NOL4L: variants seen among roughly 807,000 people sequenced by gnomAD.
NOL4L encodes nucleolar protein 4-like.
Under a neutral mutation model 64.5 loss-of-function variants are expected in NOL4L, and 7 were observed. The ratio of observed to expected loss-of-function variants is 0.11; its 90% CI spans 0.06 to 0.20. NOL4L has a LOEUF of 0.20. Ranked by LOEUF, NOL4L falls within the 10% of genes least tolerant of loss-of-function variation. NOL4L has a pLI of 1.00. For synonymous variants in NOL4L, 413 were observed against 401.0 expected, an observed-to-expected ratio of 1.03 and a Z score of -0.36; for missense variants, 680 against 967.1, an observed-to-expected ratio of 0.70 and a Z score of 3.94.
At chr20:32,537,097 G>C (rs1469529186) in intron 1 of NOL4L, 2 of 985,212 alleles carry the variant, frequency 2.0e-6, no homozygotes, top group East Asian at 1.1e-4. Context: ...CCTTTGTGCA[G>C]GGCGGTACCA....
rs141898036 is a variant in NOL4L, at chr20:32,514,936, G to A, written c.590-3480C>T. On this transcript the variant is annotated intron_variant, in intron 3 of 10. Transcript: ENST00000621426. ...GGGCGCCCAGCACTCTCGCGGCCCCGGTCGGCCCTTCGTTGGGTGTTGCAG... is the reference window on the plus strand; with the variant it reads ...GGGCGCCCAGCACTCTCGCGGCCCCAGTCGGCCCTTCGTTGGGTGTTGCAG... 6.8e-4 allele frequency among the ~76,000 whole-genome samples: 103 copies of A among 152,226 alleles called. 1 individual carries two copies. Among genetic ancestry groups the A allele is most frequent in the African/African-American group, 2.4e-3 (99 of 41,534 alleles).
intron 1 of NOL4L, among the ~76,000 whole-genome samples, chr20:32,579,329 TAC>T (rs34536094): frequency 9.9e-5 from 15 of 152,098 alleles, no homozygotes; most frequent in African/African-American, 2.4e-4. Flanking sequence ...GTTGCACTTT[TAC>T]ACACACACAC....
chr20:32,454,637 C>T (rs374558702), intron 6 of NOL4L, among the ~76,000 whole-genome samples: 19 of 152,352 alleles, frequency 1.2e-4, no homozygotes, highest in East Asian at 5.8e-4. Context: ...CGCTCTGGGA[C>T]GGCTGAGGAC....
intron 1 of NOL4L, among the ~76,000 whole-genome samples, chr20:32,560,736 C>T (rs1978956285): frequency 6.6e-6 from 1 of 152,244 alleles, no homozygotes; most frequent in East Asian, 1.9e-4. Context: ...ACCCAGCCCT[C>T]CAGAACCTGT....
At chr20:32,544,109 C>T (rs776421120) in intron 1 of NOL4L, among the ~76,000 whole-genome samples, 6 of 151,990 alleles carry the variant, frequency 3.9e-5, no homozygotes, top group Admixed American at 6.5e-5. Flanking sequence ...TTTAAGCAGG[C>T]GGGTGACACC....
chr20:32,477,373 G>A (rs778259628), intron 4 of NOL4L, among the ~76,000 whole-genome samples: 2 of 152,202 alleles, frequency 1.3e-5, no homozygotes, highest in Non-Finnish European at 2.9e-5. Context: ...GACTGGACAC[G>A]CCCTCCTAAC....
At position 32,511,389 on chromosome 20, in the gene NOL4L, G is replaced by A; in HGVS notation, c.657C>T (p.Tyr219=). ...IDYNMPLTST[Y]LKQMKLRVMN... ...TCACTCGAAGCTTCATCTGCTTCAG[G>A]TAGGTGGAGGTGAGGGGCATGTTGT... is the stretch of plus-strand genomic sequence containing the variant. The change falls in exon 4 of 11, where the codon TAC becomes TAT. Residue 219 remains tyrosine (Y), a synonymous_variant. Coordinates refer to ENST00000621426, the MANE Select transcript of NOL4L (RefSeq NM_001256798.2). 1 of 1,550,544 alleles carries A rather than the reference G, an allele frequency of 6.4e-7. No individual in the cohort carries two copies. The highest frequency in any genetic ancestry group is 8.7e-7 in the Non-Finnish European group (1 of 1,146,950).
chr20:32,579,783 C>A (rs1046586745), intron 1 of NOL4L, among the ~76,000 whole-genome samples: 5 of 152,194 alleles, frequency 3.3e-5, no homozygotes, highest in African/African-American at 7.2e-5. Context: ...CAACGTGTAA[C>A]TGACAAAAAC....
At chr20:32,480,543 C>T (rs1437597971) in intron 4 of NOL4L, among the ~76,000 whole-genome samples, 10 of 152,168 alleles carry the variant, frequency 6.6e-5, no homozygotes, top group Non-Finnish European at 1.3e-4. Context: ...GTGGGCCCCT[C>T]CTTCTGGACA....
At chr20:32,480,729 GA>G (rs1348948202) in intron 4 of NOL4L, among the ~76,000 whole-genome samples, 1 of 152,178 alleles carries the variant, frequency 6.6e-6, no homozygotes. Flanking sequence ...AATGGAAGAC[GA>G]AAAACCCCCA....
chr20:32,532,028 C>G (rs2018364413), intron 1 of NOL4L, among the ~76,000 whole-genome samples: 1 of 152,218 alleles, frequency 6.6e-6, no homozygotes, highest in Non-Finnish European at 1.5e-5. Context: ...GCAAAACGTA[C>G]TGTCCCATGT....
At chr20:32,537,502 C>T (rs957915691) in intron 1 of NOL4L, among the ~76,000 whole-genome samples, 4 of 152,222 alleles carry the variant, frequency 2.6e-5, no homozygotes, top group African/African-American at 9.6e-5. Context: ...AGCAAAGGCA[C>T]AGAAGAGCTG....
At chr20:32,542,930 C>T (rs1269665404) in intron 1 of NOL4L, among the ~76,000 whole-genome samples, 1 of 152,172 alleles carries the variant, frequency 6.6e-6, no homozygotes, top group Non-Finnish European at 1.5e-5. Flanking sequence ...GAGAACCGAC[C>T]TCACGGGGTT....
At chr20:32,478,856 G>C (rs1188882436) in intron 4 of NOL4L, among the ~76,000 whole-genome samples, 1 of 152,220 alleles carries the variant, frequency 6.6e-6, no homozygotes, top group African/African-American at 2.4e-5. Context: ...TGCTGGGAGT[G>C]CGGGTGTGAG....
chr20:32,447,695 G>T lies in NOL4L; in HGVS notation c.1944C>A (p.Ile648=). ...CCGCGATGAGCTGCCGCACGGCGCTGATCTCCGTGGGGCTGAGCTGAGCGG... is the reference window on the plus strand; with the variant it reads ...CCGCGATGAGCTGCCGCACGGCGCTTATCTCCGTGGGGCTGAGCTGAGCGG... The part of the protein sequence containing the change: ...VPTAQLSPTE[I]SAVRQLIAGY... The change falls in exon 11 of 11, where the codon ATC becomes ATA. Residue 648 remains isoleucine, a synonymous_variant. Transcript: ENST00000621426. 2 of 1,610,206 alleles carry T rather than the reference G, an allele frequency of 1.2e-6. No individual in the cohort carries two copies. The highest frequency in any genetic ancestry group is 1.9e-4 in the Middle Eastern group (1 of 5,262).
At chr20:32,538,321 G>T (rs956328588) in intron 1 of NOL4L, among the ~76,000 whole-genome samples, 5 of 152,156 alleles carry the variant, frequency 3.3e-5, no homozygotes, top group African/African-American at 1.2e-4. Context: ...GGGTTGGGGG[G>T]TGCACACCAA....
At chr20:32,475,114 T>C in intron 4 of NOL4L, 1 of 985,458 alleles carries the variant, frequency 1.0e-6, no homozygotes, top group Non-Finnish European at 1.2e-6. Context: ...GGGCTCACTC[T>C]GCACAGGACC....
At chr20:32,484,496 GC>G (rs1313377611) in intron 4 of NOL4L, among the ~76,000 whole-genome samples, 1 of 99,028 alleles carries the variant, frequency 1.0e-5, no homozygotes, top group Non-Finnish European at 2.3e-5. Context: ...CCTCCTCCCC[GC>G]CCCCCGCGGG....
chr20:32,560,792 C>G (rs1568713846), intron 1 of NOL4L, among the ~76,000 whole-genome samples: 1 of 152,260 alleles, frequency 6.6e-6, no homozygotes, highest in Non-Finnish European at 1.5e-5. Flanking sequence ...GGGGGACGGA[C>G]AGACTGACGG....
Sources: gnomAD v4.1 joint callset for allele counts (sites outside exome capture counted in the v4.1 genomes callset) on GRCh38, gnomAD v4.1.1 for gene constraint, MANE v1.5 for transcripts, NCBI Gene and HGNC (gene_info 2026-07-23, HGNC 2026-07-21) for gene names.